The following ZNF232 variants were observed in gnomAD, a reference collection of about 807,000 sequenced individuals.
ZNF232 encodes zinc finger and SCAN domain-containing protein 11.
Under a neutral mutation model 25.2 loss-of-function variants are expected in ZNF232, and 25 were observed. That is an observed-to-expected ratio of 0.99 (90% confidence interval 0.72 to 1.39). The LOEUF is 1.39. Among genes scored for constraint, ZNF232 ranks in the 40% most tolerant of loss-of-function variants. The probability of loss-of-function intolerance (pLI) is 0.00; values close to 1 mark genes in which losing one functional copy is unlikely to be tolerated. For missense variants in ZNF232, 519 were observed against 520.9 expected, an observed-to-expected ratio of 1.00 and a Z score of 0.04; for synonymous variants, 193 against 182.9, an observed-to-expected ratio of 1.06 and a Z score of -0.45.
chr17:5,115,061 G>A (rs1012793428), upstream of ZNF232: 4 of 152,154 alleles, frequency 2.6e-5, no homozygotes, highest in Non-Finnish European at 4.4e-5. Context: ...GAAAACTGGG[G>A]GCTGATGTGA....
intron 3 of ZNF232, 122 bp from the exon 4 acceptor site, chr17:5,106,655 G>C (rs2072268076): frequency 1.2e-6 from 1 of 845,052 alleles, no homozygotes. Flanking sequence ...ATTGCCAACA[G>C]TTATCTCTTG....
At chr17:5,114,927 C>A (rs2072493545), upstream of ZNF232, 1 of 152,240 alleles carries the variant, frequency 6.6e-6, no homozygotes, top group African/African-American at 2.4e-5. Context: ...GGAGCTCTCA[C>A]CAGAACCTGA....
At chr17:5,106,059 G>C in exon 4 of ZNF232, 1 of 1,614,148 alleles carries the variant, frequency 6.2e-7, no homozygotes, top group Non-Finnish European at 8.5e-7. Flanking sequence ...CCATCTGAAG[G>C]CCTTCCCACA....
chr17:5,113,048 G>A (rs1313349497), upstream of ZNF232, among the ~76,000 whole-genome samples: 4 of 152,162 alleles, frequency 2.6e-5, no homozygotes, highest in Non-Finnish European at 4.4e-5. Flanking sequence ...TTATAAAATA[G>A]CTTAATCCTA....
At chr17:5,109,767 C>T in exon 2 of ZNF232, 1 of 1,614,194 alleles carries the variant, frequency 6.2e-7, no homozygotes, top group Non-Finnish European at 8.5e-7. Context: ...TCCCTGTGTA[C>T]CCTGAAGGGC....
At chr17:5,122,126 G>A (rs543754940) in intron 1 of ZNF232, among the ~76,000 whole-genome samples, 11 of 152,080 alleles carry the variant, frequency 7.2e-5, no homozygotes, top group Non-Finnish European at 1.3e-4. Context: ...GAAGTCCTGC[G>A]GGGTGGAGGG....
intron 3 of ZNF232, among the ~76,000 whole-genome samples, chr17:5,108,223 C>T (rs908170067): frequency 2.0e-5 from 3 of 152,134 alleles, no homozygotes; most frequent in African/African-American, 7.2e-5. Flanking sequence ...CTTGGTTAGC[C>T]GCATATTCAC....
In ZNF232 at chr17:5,108,705, C is replaced by T. The variant is rs1341489953; in HGVS notation, c.625+221G>A. ...ATATCCAGATAAGACCCAAGTTGAG[C>T]TTAATCCTCAGAGCTATCTTATGAG... On this transcript the variant is annotated intron_variant, in intron 3 of 3. Transcript: ENST00000575898. The T allele has an allele frequency of 1.1e-5, 6 of 564,510 alleles. No individual in the cohort carries two copies. In the East Asian group the frequency reaches 2.5e-4, roughly 24 times the overall value. The allele number at this position is 564,510 out of a possible 1,614,324, so 35.0% of individuals were successfully genotyped here.
chr17:5,110,467 TAA>T, intron 1 of ZNF232, among the ~76,000 whole-genome samples: 1 of 152,096 alleles, frequency 6.6e-6, no homozygotes, highest in Admixed American at 6.5e-5. Context: ...TTGGAAGAAA[TAA>T]GTTTGAAGCA....
At chr17:5,112,838 G>A (rs1407065340), upstream of ZNF232, among the ~76,000 whole-genome samples, 1 of 151,668 alleles carries the variant, frequency 6.6e-6, no homozygotes, top group African/African-American at 2.4e-5. Context: ...GGTGGCGGGC[G>A]CCTGTAGTCC....
intron 1 of ZNF232, among the ~76,000 whole-genome samples, chr17:5,120,172 A>G (rs2072620448): frequency 2.0e-5 from 3 of 152,068 alleles, no homozygotes; most frequent in South Asian, 2.1e-4. Flanking sequence ...CTGGTTATAC[A>G]TTGCTTTCCT....
intron 1 of ZNF232, chr17:5,121,523 A>G (rs1415590899): frequency 1.5e-5 from 3 of 200,002 alleles, no homozygotes; most frequent in Non-Finnish European, 3.1e-5. Flanking sequence ...CCCTGTACCT[A>G]TCACCCCAGG....
intron 1 of ZNF232, 142 bp downstream of exon 1, chr17:5,111,658 C>A: frequency 7.6e-7 from 1 of 1,315,556 alleles, no homozygotes. Flanking sequence ...AGCGCGGGCA[C>A]CACGGGCAAC....
chr17:5,115,054 A>C (rs1226142505), upstream of ZNF232: 1 of 152,136 alleles, frequency 6.6e-6, no homozygotes, highest in Admixed American at 6.5e-5. Flanking sequence ...GACAGAGGAA[A>C]ACTGGGGGCT....
chr17:5,112,494 C>T (rs1432653743), upstream of ZNF232: 3 of 151,864 alleles, frequency 2.0e-5, no homozygotes, highest in Non-Finnish European at 4.4e-5. Flanking sequence ...CTCTGTCGCC[C>T]AGGCTGGAGT....
At chr17:5,112,779 A>T (rs113280184), upstream of ZNF232, among the ~76,000 whole-genome samples, 397 of 151,072 alleles carry the variant, frequency 2.6e-3, no homozygotes, top group Non-Finnish European at 4.9e-3. Context: ...GGTGGCCAAC[A>T]TGGTGAAACC....
At chr17:5,108,853 T>C in intron 3 of ZNF232, 73 bp downstream of exon 3, 2 of 1,605,550 alleles carry the variant, frequency 1.2e-6, no homozygotes. Context: ...ATTTACCCTT[T>C]ACAGGTACTA....
At chr17:5,109,710 C>T in exon 2 of ZNF232, 1 of 1,614,180 alleles carries the variant, frequency 6.2e-7, no homozygotes, top group Non-Finnish European at 8.5e-7. Flanking sequence ...CTCATACTCA[C>T]AAGACTGTTC....
At chr17:5,122,135 G>T (rs1273185722) in intron 1 of ZNF232, among the ~76,000 whole-genome samples, 1 of 151,966 alleles carries the variant, frequency 6.6e-6, no homozygotes, top group Admixed American at 6.6e-5. Context: ...CGGGGTGGAG[G>T]GTGGGTCGGT....
Sources: allele counts gnomAD v4.1 joint callset (sites outside exome capture counted in the v4.1 genomes callset), GRCh38; gene constraint gnomAD v4.1.1; transcripts MANE v1.5; gene names NCBI Gene and HGNC (gene_info 2026-07-23, HGNC 2026-07-21).